The following RIN3 variants were observed in gnomAD, a reference collection of about 807,000 sequenced individuals.
The protein encoded by RIN3 is RAB5 interacting protein 3.
RIN3 carries 54 observed loss-of-function variants against 76.3 expected under a neutral mutation model. The ratio of observed to expected loss-of-function variants is 0.71; its 90% CI spans 0.57 to 0.89. The LOEUF (loss-of-function observed/expected upper bound fraction) is 0.89, where lower values mean the gene tolerates loss of function less well. Among genes scored for constraint, RIN3 ranks in the 40% least tolerant of loss-of-function variants. RIN3 has a pLI of 0.00. For missense variants in RIN3, 1,256 were observed against 1,322.1 expected (o/e 0.95, Z 0.78); for synonymous variants, 576 against 564.0 (o/e 1.02, Z -0.30).
At chr14:92,537,738 C>T (rs1000768909) in intron 1 of RIN3, among the ~76,000 whole-genome samples, 16 of 150,594 alleles carry the variant, frequency 1.1e-4, no homozygotes, top group African/African-American at 3.2e-4. Context: ...TCTGCCCCCC[C>T]GCCACCAGGT....
intron 1 of RIN3, among the ~76,000 whole-genome samples, chr14:92,538,961 C>A (rs34439941): frequency 6.6e-6 from 1 of 151,604 alleles, no homozygotes; most frequent in South Asian, 2.1e-4. Flanking sequence ...CCACCCTGTC[C>A]CCCAGCCTCC....
chr14:92,645,539 A>C (rs1222397804), intron 5 of RIN3, among the ~76,000 whole-genome samples: 1 of 152,248 alleles, frequency 6.6e-6, no homozygotes, highest in Non-Finnish European at 1.5e-5. Context: ...CATTTGAATA[A>C]AATGTCTAGA....
intron 2 of RIN3, among the ~76,000 whole-genome samples, chr14:92,564,687 T>C (rs1404406286): frequency 6.6e-6 from 1 of 152,084 alleles, no homozygotes; most frequent in Non-Finnish European, 1.5e-5. Flanking sequence ...GAATCCTAAA[T>C]CATCAAAGAA....
intron 3 of RIN3, among the ~76,000 whole-genome samples, chr14:92,598,073 A>G (rs1038103510): frequency 1.3e-5 from 2 of 152,156 alleles, no homozygotes; most frequent in African/African-American, 4.8e-5. Context: ...ACCAATCAAT[A>G]CAATAAAGCA....
chr14:92,519,989 C>T (rs1227777212), intron 1 of RIN3, among the ~76,000 whole-genome samples: 2 of 152,216 alleles, frequency 1.3e-5, no homozygotes, highest in East Asian at 3.9e-4. Flanking sequence ...TGGCATGTTT[C>T]CTCTCCACAG....
At position 92,535,832 on chromosome 14, in the gene RIN3, G is replaced by A. The variant is rs1373192240; in HGVS notation, c.45-19919G>A. 4.3e-5 allele frequency among the ~76,000 whole-genome samples: 6 copies of A among 138,432 alleles called. No individual in the cohort carries two copies. In the East Asian group the frequency reaches 8.1e-4, roughly 19 times the overall value. 90.8% of individuals were successfully genotyped at this position (138,432 alleles called of 152,430 possible). On this transcript the variant is annotated intron_variant, in intron 1 of 9. Coordinates refer to ENST00000216487, the MANE Select transcript of RIN3 (RefSeq NM_024832.5). ...TGGGATTATAGGCATGTGCCACCAC[G>A]CCTGGCTACTTTTTTTTTTTTGTAT...
intron 4 of RIN3, 61 bp downstream of exon 4, chr14:92,615,540 G>A (rs1287358878): frequency 1.3e-5 from 18 of 1,426,600 alleles, no homozygotes; most frequent in African/African-American, 2.8e-5. Context: ...ATGCAACCCT[G>A]GGTGGGTGCA....
intron 2 of RIN3, among the ~76,000 whole-genome samples, chr14:92,560,303 C>T (rs1897726484): frequency 6.6e-6 from 1 of 152,120 alleles, no homozygotes; most frequent in African/African-American, 2.4e-5. Flanking sequence ...ACTCACCACC[C>T]CCTTCTGAGG....
At chr14:92,574,295 A>G (rs1898150569) in intron 2 of RIN3, among the ~76,000 whole-genome samples, 1 of 152,238 alleles carries the variant, frequency 6.6e-6, no homozygotes, top group Non-Finnish European at 1.5e-5. Context: ...TTGGCTGGAC[A>G]GGTGTGCCAT....
Position 92,536,696 on chromosome 14 carries a change from C to G in RIN3, c.45-19055C>G, listed in dbSNP as rs185267069. ...GGTGGAGGTTGCTGTGAGCTGAGAT[C>G]GCGCCACTGCACTCCAGCCTGGTGA... On this transcript the variant is annotated intron_variant, in intron 1 of 9. Transcript: ENST00000216487. 2.6e-3 allele frequency among the ~76,000 whole-genome samples: 384 copies of G among 147,522 alleles called. 3 individuals carry two copies. The highest frequency in any genetic ancestry group is 9.3e-3 in the African/African-American group (370 of 39,726).
At chr14:92,515,094 C>T (rs1896402078) in intron 1 of RIN3, 1 of 592,370 alleles carries the variant, frequency 1.7e-6, no homozygotes. Context: ...CTGGGAGGGA[C>T]TGGGAGGGGG....
At chr14:92,631,786 TAG>T (rs1311185383) in intron 4 of RIN3, among the ~76,000 whole-genome samples, 8 of 152,032 alleles carry the variant, frequency 5.3e-5, no homozygotes, top group Admixed American at 3.3e-4. Flanking sequence ...GTATTTTTAG[TAG>T]AGTCAGGGTT....
chr14:92,664,773 T>G (rs1406888668), intron 7 of RIN3, among the ~76,000 whole-genome samples: 1 of 152,154 alleles, frequency 6.6e-6, no homozygotes, highest in African/African-American at 2.4e-5. Flanking sequence ...CTTTCCTAGG[T>G]ATTTTGTGGC....
intron 1 of RIN3, among the ~76,000 whole-genome samples, chr14:92,546,344 C>T (rs1012373031): frequency 2.0e-5 from 3 of 152,178 alleles, no homozygotes; most frequent in African/African-American, 7.2e-5. Context: ...TATCCATCAC[C>T]TTAAATATTT....
Position 92,688,106 on chromosome 14 carries a change from G to A in RIN3, c.2812G>A (p.Ala938Thr), listed in dbSNP as rs2140182736. 1 of 1,608,024 alleles carries A rather than the reference G, an allele frequency of 6.2e-7. No homozygotes were observed. Among genetic ancestry groups the A allele is most frequent in the Non-Finnish European group, 8.5e-7 (1 of 1,178,060 alleles). ...DGRCFQLADD[A>T]LPHCIKGYLL... is the part of the protein sequence containing the mutation. ...GCGCTGCTTCCAGCTGGCGGACGAC[G>A]CGCTGCCGCACTGCATCAAGGGCTA... Residue 938 changes from alanine (A) to threonine (T), a missense_variant, in exon 10 of 10, where the codon GCG becomes ACG. This residue lies in a region of RIN3 where 218 missense variants were observed against 174.5 expected (regional missense o/e 1.25). Transcript: ENST00000216487.
chr14:92,561,403 T>C (rs1277433952), intron 2 of RIN3, among the ~76,000 whole-genome samples: 1 of 151,844 alleles, frequency 6.6e-6, no homozygotes, highest in Non-Finnish European at 1.5e-5. Flanking sequence ...TGATAAGGTT[T>C]TGGGAACATA....
At chr14:92,657,288 G>A (rs1452482983) in intron 6 of RIN3, among the ~76,000 whole-genome samples, 2 of 152,002 alleles carry the variant, frequency 1.3e-5, no homozygotes, top group African/African-American at 4.8e-5. Context: ...TGAAACCCGG[G>A]AAGTGGAGGT....
In RIN3 at chr14:92,514,711, T is replaced by C. The variant is rs1285278800; in HGVS notation, c.44+735T>C. 6.6e-6 allele frequency among the ~76,000 whole-genome samples: 1 copy of C among 152,200 alleles called. No homozygotes were observed. The highest frequency in any genetic ancestry group is 1.5e-5 in the Non-Finnish European group (1 of 68,022). The stretch of plus-strand genomic sequence containing the variant: ...GCTAAGTCCCCGCTCCGCCTCCTTG[T>C]CGCCCCCAGCCCCACCTCGCGAGCT... On this transcript the variant is annotated intron_variant, in intron 1 of 9. Coordinates refer to ENST00000216487, the MANE Select transcript of RIN3 (RefSeq NM_024832.5). The surrounding 1 kb of genome is among the most constrained non-coding windows in gnomAD (Gnocchi z 7.2).
intron 3 of RIN3, among the ~76,000 whole-genome samples, chr14:92,613,843 G>A (rs1005628965): frequency 6.6e-6 from 1 of 152,200 alleles, no homozygotes; most frequent in African/African-American, 2.4e-5. Context: ...AGTGGGACAT[G>A]CACATGTTTC....
Sources: gnomAD v4.1 joint callset for allele counts (sites outside exome capture counted in the v4.1 genomes callset) on GRCh38, gnomAD v4.1.1 for gene constraint, gnomAD v4.1.1 regional missense constraint, Gnocchi (gnomAD v3.1) non-coding constraint, MANE v1.5 for transcripts, NCBI Gene and HGNC (gene_info 2026-07-23, HGNC 2026-07-21) for gene names.